PDE9A: variants seen among roughly 807,000 people sequenced by gnomAD.
PDE9A encodes the protein phosphodiesterase 9A.
A neutral mutation model predicts 87.4 loss-of-function variants in PDE9A; 60 were observed. That is an observed-to-expected ratio of 0.69 (90% CI 0.56 to 0.85). PDE9A has a LOEUF of 0.85. Ranked by LOEUF, PDE9A falls within the 40% of genes least tolerant of loss-of-function variation. PDE9A has a pLI of 0.00. For synonymous variants in PDE9A, 272 were observed against 279.4 expected, an observed-to-expected ratio of 0.97 and a Z score of 0.27; for missense variants, 665 against 779.0, an observed-to-expected ratio of 0.85 and a Z score of 1.74.
chr21:42,769,604 A>ACCTCG (rs1258381420), intron 17 of PDE9A, among the ~76,000 whole-genome samples: 1 of 136,502 alleles, frequency 7.3e-6, no homozygotes. Context: ...AGGCACACAA[A>ACCTCG]TGCACATGCA....
At chr21:42,699,446 T>C (rs1421260741) in intron 4 of PDE9A, among the ~76,000 whole-genome samples, 2 of 152,116 alleles carry the variant, frequency 1.3e-5, no homozygotes, top group African/African-American at 4.8e-5. Context: ...GCACCTGTCC[T>C]CCCCGCTCCA....
At chr21:42,676,833 T>TTTATTATTATAAA (rs1397875606) in intron 1 of PDE9A, among the ~76,000 whole-genome samples, 1 of 152,250 alleles carries the variant, frequency 6.6e-6, no homozygotes, top group East Asian at 1.9e-4. Context: ...CTGATGTCAG[T>TTTATTATTATAAA]TTGACGTTTA....
At position 42,696,577 on chromosome 21, in the gene PDE9A, C is replaced by T. The variant is rs536171542; in HGVS notation, c.219-2391C>T. 9.9e-5 allele frequency among the ~76,000 whole-genome samples: 15 copies of T among 152,170 alleles called. No homozygotes were observed. Among genetic ancestry groups the T allele is most frequent in the African/African-American group, 2.7e-4 (11 of 41,506 alleles). On this transcript the variant is annotated intron_variant, in intron 3 of 19. Transcript: ENST00000291539. The surrounding 1 kb of genome is among the most constrained non-coding windows in gnomAD (Gnocchi z 5.1). ...CCAGGGCTGCTCTCATGGTGGGAGC[C>T]GGAGAGACACTGAGAAGAGGAAGGA... is the stretch of plus-strand genomic sequence containing the variant.
intron 3 of PDE9A, among the ~76,000 whole-genome samples, chr21:42,691,975 A>G (rs577943233): frequency 9.7e-4 from 148 of 152,286 alleles, no homozygotes; most frequent in Non-Finnish European, 1.7e-3. Context: ...CTCCATCCAA[A>G]GTCACCCAAC....
intron 7 of PDE9A, chr21:42,741,123 A>G (rs10451855): frequency 0.26 from 39,490 of 152,046 alleles, 5,294 homozygotes; most frequent in East Asian, 0.45. Context: ...CCACGTGTGA[A>G]CCAGACTGAG....
intron 19 of PDE9A, among the ~76,000 whole-genome samples, chr21:42,773,796 G>A (rs1292925484): frequency 8.0e-5 from 12 of 150,254 alleles, no homozygotes; most frequent in African/African-American, 2.5e-4. Context: ...GCGAGACTTC[G>A]TCTCAAAAAA....
At chr21:42,668,589 TGA>T (rs879404005) in intron 1 of PDE9A, among the ~76,000 whole-genome samples, 1,702 of 152,298 alleles carry the variant, frequency 0.011, 19 homozygotes, top group Non-Finnish European at 0.017. Context: ...CAGTCCCCTG[TGA>T]TCCATTATTT....
intron 1 of PDE9A, among the ~76,000 whole-genome samples, chr21:42,656,938 GC>G (rs2057118412): frequency 6.6e-6 from 1 of 152,244 alleles, no homozygotes; most frequent in African/African-American, 2.4e-5. Flanking sequence ...TGGTCAATGA[GC>G]CCGCCGTGTT....
At chr21:42,774,402 T>C (rs1029906338) in intron 19 of PDE9A, among the ~76,000 whole-genome samples, 3 of 152,228 alleles carry the variant, frequency 2.0e-5, no homozygotes, top group African/African-American at 7.2e-5. Flanking sequence ...AATACCATTG[T>C]TACTGCTGTT....
At chr21:42,750,206 A>C (rs1194710218) in intron 8 of PDE9A, among the ~76,000 whole-genome samples, 1 of 152,230 alleles carries the variant, frequency 6.6e-6, no homozygotes, top group Non-Finnish European at 1.5e-5. Context: ...CACACCTGTC[A>C]TCCCAATACT....
At position 42,760,081 on chromosome 21, in the gene PDE9A, G is replaced by A. The variant is rs2147093420; in HGVS notation, c.898-247G>A. On this transcript the variant is annotated intron_variant, in intron 11 of 19. Coordinates refer to ENST00000291539, the MANE Select transcript of PDE9A (RefSeq NM_002606.3). This position sits in a 1 kb window ranked among gnomAD's most constrained non-coding sequence, Gnocchi z 5.2. ...AGACCCCAGTCCTTGACTGCAGGGT[G>A]AAACCCCTGGTGGGAGCTCTGTCCC... Among the ~76,000 whole-genome samples, 1 of 152,140 alleles carries A rather than the reference G, an allele frequency of 6.6e-6. No homozygotes were observed. Among genetic ancestry groups the A allele is most frequent in the South Asian group, 2.1e-4 (1 of 4,814 alleles).
Position 42,675,628 on chromosome 21 carries a change from G to A in PDE9A, c.70-10564G>A, listed in dbSNP as rs766618194. 6.6e-5 allele frequency among the ~76,000 whole-genome samples: 10 copies of A among 152,210 alleles called. No individual in the cohort carries two copies. The highest frequency in any genetic ancestry group is 1.2e-4 in the Non-Finnish European group (8 of 68,046). ...ACGGCGCCAGCCTCACTGCCTCTGC[G>A]TTAGTGCCGCCACTTCATCTCAGAT... On this transcript the variant is annotated intron_variant, in intron 1 of 19. Transcript: ENST00000291539. This position sits in a 1 kb window ranked among gnomAD's most constrained non-coding sequence, Gnocchi z 4.3.
chr21:42,733,496 C>T lies in PDE9A; in HGVS notation c.568+70C>T, dbSNP rs2052057604. On this transcript the variant is annotated intron_variant, in intron 7 of 19. Coordinates refer to ENST00000291539, the MANE Select transcript of PDE9A (RefSeq NM_002606.3). The stretch of plus-strand genomic sequence containing the variant: ...CTCTATTCAAATTAACCACTTGGAA[C>T]GGGGAGGAGTTCAGTGCCGAAGGTA... 1.4e-5 allele frequency: 12 copies of T among 877,668 alleles called. No homozygotes were observed. In the East Asian group the frequency reaches 1.4e-4, roughly 11 times the overall value. 54.4% of individuals were successfully genotyped at this position (877,668 alleles called of 1,614,324 possible). A position where few individuals can be genotyped will look rare whatever the true frequency, so the allele number is the denominator to read the frequency against.
intron 1 of PDE9A, among the ~76,000 whole-genome samples, chr21:42,684,979 G>A (rs1178950766): frequency 2.3e-4 from 29 of 125,834 alleles, no homozygotes; most frequent in Non-Finnish European, 3.6e-4. Flanking sequence ...ACTAATCTTA[G>A]CTTAAAAAAA....
At chr21:42,698,421 G>A (rs1280563319) in intron 3 of PDE9A, among the ~76,000 whole-genome samples, 2 of 152,156 alleles carry the variant, frequency 1.3e-5, no homozygotes, top group African/African-American at 4.8e-5. Flanking sequence ...GCTGTCGTGT[G>A]TCAGCGACAG....
chr21:42,683,675 C>T (rs920032357), intron 1 of PDE9A, among the ~76,000 whole-genome samples: 13 of 152,214 alleles, frequency 8.5e-5, no homozygotes, highest in African/African-American at 3.1e-4. Flanking sequence ...TAAAGTCAGA[C>T]GAGCCTGCCC....
At chr21:42,744,181 C>T (rs186101077) in intron 8 of PDE9A, among the ~76,000 whole-genome samples, 89 of 152,254 alleles carry the variant, frequency 5.8e-4, no homozygotes, top group Admixed American at 4.6e-3. Context: ...GGTGAAACCC[C>T]GTCTCTACTA....
chr21:42,753,091 C>T (rs1361204421), intron 9 of PDE9A, among the ~76,000 whole-genome samples: 2 of 152,184 alleles, frequency 1.3e-5, no homozygotes, highest in Non-Finnish European at 2.9e-5. Flanking sequence ...ACTGCAACCT[C>T]CCCCTCCTGG....
chr21:42,771,442 C>A (rs2057018800), intron 18 of PDE9A, among the ~76,000 whole-genome samples: 1 of 152,228 alleles, frequency 6.6e-6, no homozygotes, highest in Non-Finnish European at 1.5e-5. Flanking sequence ...CCCCTCCCAG[C>A]CTCCTGCCTC....
Sources: allele counts gnomAD v4.1 joint callset (sites outside exome capture counted in the v4.1 genomes callset), GRCh38; gene constraint gnomAD v4.1.1; non-coding constraint Gnocchi (gnomAD v3.1); transcripts MANE v1.5; gene names NCBI Gene and HGNC (gene_info 2026-07-23, HGNC 2026-07-21).